The following KLHL3 variants were observed in gnomAD, a reference collection of about 807,000 sequenced individuals.
KLHL3 encodes the protein kelch like family member 3, also known as kelch-like protein 3.
In KLHL3, 19 loss-of-function variants were observed where a neutral mutation model predicts 70.5. The ratio of observed to expected loss-of-function variants is 0.27; its 90% CI spans 0.19 to 0.40. KLHL3 has a LOEUF of 0.40. Ranked by LOEUF, KLHL3 falls within the 10% of genes least tolerant of loss-of-function variation. The pLI is 1.00. For synonymous variants in KLHL3, 258 were observed against 290.3 expected (o/e 0.89, Z 1.13); for missense variants, 512 against 771.1 (o/e 0.66, Z 3.98).
At chr5:137,624,726 T>C (rs542272881) in intron 14 of KLHL3, among the ~76,000 whole-genome samples, 6 of 152,360 alleles carry the variant, frequency 3.9e-5, no homozygotes, top group Admixed American at 2.0e-4. Flanking sequence ...TGGTATGTTC[T>C]GTGCATGCTG....
At chr5:137,661,075 T>C (rs767302061) in intron 7 of KLHL3, 1 of 152,202 alleles carries the variant, frequency 6.6e-6, no homozygotes, top group Non-Finnish European at 1.5e-5. Flanking sequence ...TCTCTGCTTA[T>C]AAAAGTGTCT....
intron 1 of KLHL3, among the ~76,000 whole-genome samples, chr5:137,732,926 T>C (rs533956735): frequency 6.6e-6 from 1 of 152,348 alleles, no homozygotes; most frequent in African/African-American, 2.4e-5. Context: ...GTAAAGCAGA[T>C]TCACCGCTAG....
rs1228903029 is a variant in KLHL3 at position 137,628,716 on chromosome 5, CACACACAGACAGACAG to C, written c.1451-295_1451-280del. 7.5e-4 allele frequency: 115 copies of C among 153,476 alleles called. 1 individual carries two copies. The highest frequency in any genetic ancestry group is 2.2e-3 in the Admixed American group (28 of 12,458). 9.5% of individuals were successfully genotyped at this position (153,476 alleles called of 1,614,324 possible). The stretch of plus-strand genomic sequence containing the variant: ...TAAAAAATATATATATATATATACA[CACACACAGACAGACAG>C]ACATACATACATACATACATACATA... On this transcript the variant is annotated intron_variant, in intron 12 of 14. Transcript: ENST00000309755.
chr5:137,636,672 C>A (rs1561585001), intron 11 of KLHL3, among the ~76,000 whole-genome samples: 1 of 152,166 alleles, frequency 6.6e-6, no homozygotes, highest in Non-Finnish European at 1.5e-5. Flanking sequence ...CTATCTCCTT[C>A]ACAAGGGTTT....
chr5:137,733,993 T>C (rs191342462), intron 1 of KLHL3, among the ~76,000 whole-genome samples: 2 of 152,318 alleles, frequency 1.3e-5, no homozygotes, highest in Admixed American at 1.3e-4. Context: ...CAAGAACATG[T>C]GCAACCTGGT....
At chr5:137,695,733 C>T (rs749766990) in intron 4 of KLHL3, among the ~76,000 whole-genome samples, 8 of 152,320 alleles carry the variant, frequency 5.3e-5, no homozygotes, top group Non-Finnish European at 1.2e-4. Flanking sequence ...CTTATCTTGC[C>T]TGAAACTCTA....
chr5:137,665,945 A>G (rs2149900346), intron 6 of KLHL3, among the ~76,000 whole-genome samples: 1 of 152,318 alleles, frequency 6.6e-6, no homozygotes, highest in South Asian at 2.1e-4. Context: ...TCCTATTTCT[A>G]TATCAAATAA....
At chr5:137,728,009 A>T (rs973057207) in intron 1 of KLHL3, among the ~76,000 whole-genome samples, 11 of 152,232 alleles carry the variant, frequency 7.2e-5, no homozygotes, top group Non-Finnish European at 1.6e-4. Context: ...ATATCACTGT[A>T]TAGTATTTCT....
chr5:137,625,975 G>A, intron 13 of KLHL3, 79 bp from the exon 14 acceptor site: 1 of 1,554,762 alleles, frequency 6.4e-7, no homozygotes, highest in Non-Finnish European at 8.8e-7. Flanking sequence ...GACAAATCTG[G>A]ATAGCCTGGG....
At chr5:137,688,299 A>T (rs1043561859) in intron 5 of KLHL3, among the ~76,000 whole-genome samples, 15 of 152,190 alleles carry the variant, frequency 9.9e-5, no homozygotes, top group African/African-American at 3.6e-4. Flanking sequence ...CAGGGAGGAG[A>T]CTCTCAGCCT....
intron 3 of KLHL3, among the ~76,000 whole-genome samples, chr5:137,708,862 G>A (rs144145447): frequency 3.3e-5 from 5 of 152,288 alleles, no homozygotes; most frequent in African/African-American, 1.2e-4. Context: ...AGAATGCAGG[G>A]TGACAGTCGC....
intron 8 of KLHL3, among the ~76,000 whole-genome samples, chr5:137,655,111 T>C (rs1751305405): frequency 6.6e-6 from 1 of 152,198 alleles, no homozygotes; most frequent in African/African-American, 2.4e-5. Flanking sequence ...AAAGATGTCA[T>C]TCTTCTGATA....
chr5:137,711,828 A>T (rs1395841964), intron 2 of KLHL3, among the ~76,000 whole-genome samples: 2 of 152,148 alleles, frequency 1.3e-5, no homozygotes, highest in Non-Finnish European at 2.9e-5. Context: ...TATTTCCAAC[A>T]TGAATAGACT....
intron 5 of KLHL3, among the ~76,000 whole-genome samples, chr5:137,691,990 C>T (rs561167253): frequency 1.6e-4 from 24 of 152,280 alleles, no homozygotes; most frequent in Non-Finnish European, 3.1e-4. Flanking sequence ...AATAACAAGA[C>T]GTAGCTCAAG....
intron 4 of KLHL3, among the ~76,000 whole-genome samples, chr5:137,697,493 A>T (rs925000132): frequency 6.6e-5 from 10 of 152,062 alleles, no homozygotes; most frequent in African/African-American, 2.2e-4. Flanking sequence ...TTTTTCTCCA[A>T]CATCACCCTT....
At chr5:137,670,048 C>T (rs1278263772) in intron 6 of KLHL3, among the ~76,000 whole-genome samples, 2 of 152,124 alleles carry the variant, frequency 1.3e-5, no homozygotes, top group Non-Finnish European at 2.9e-5. Flanking sequence ...GAAGGAAGCT[C>T]GCCATCTCCT....
At chr5:137,663,415 C>T (rs1186010965) in intron 6 of KLHL3, among the ~76,000 whole-genome samples, 2 of 151,892 alleles carry the variant, frequency 1.3e-5, no homozygotes, top group Non-Finnish European at 2.9e-5. Flanking sequence ...GCTCAAGTCC[C>T]TTATATAAAA....
intron 5 of KLHL3, among the ~76,000 whole-genome samples, chr5:137,691,909 C>T (rs923243903): frequency 7.2e-5 from 11 of 152,094 alleles, no homozygotes; most frequent in Admixed American, 1.3e-4. Context: ...TGAGCCACTG[C>T]GCCCAGCCAG....
chr5:137,676,716 A>G (rs1751892006), intron 6 of KLHL3, among the ~76,000 whole-genome samples: 1 of 152,226 alleles, frequency 6.6e-6, no homozygotes, highest in South Asian at 2.1e-4. Context: ...ATGAGGAAAC[A>G]CAGGAGAGGC....
Sources: gnomAD v4.1 joint callset for allele counts (sites outside exome capture counted in the v4.1 genomes callset) on GRCh38, gnomAD v4.1.1 for gene constraint, MANE v1.5 for transcripts, NCBI Gene and HGNC (gene_info 2026-07-23, HGNC 2026-07-21) for gene names.